ASIC5: variants seen among roughly 807,000 people sequenced by gnomAD.
The protein encoded by ASIC5 is bile acid-sensitive ion channel.
Under a neutral mutation model 51.2 loss-of-function variants are expected in ASIC5, and 52 were observed. The ratio of observed to expected loss-of-function variants is 1.02; its 90% CI spans 0.81 to 1.28. The LOEUF (loss-of-function observed/expected upper bound fraction) is 1.28. Among genes scored for constraint, ASIC5 ranks in the 50% most tolerant of loss-of-function variants. The pLI is 0.00. For missense variants in ASIC5, 635 were observed against 595.0 expected (o/e 1.07, Z -0.70); for synonymous variants, 231 against 200.7 (o/e 1.15, Z -1.28).
intron 1 of ASIC5, among the ~76,000 whole-genome samples, chr4:155,864,197 A>G (rs1383059274): frequency 6.6e-6 from 1 of 152,132 alleles, no homozygotes; most frequent in Non-Finnish European, 1.5e-5. Context: ...TTCTTAACTA[A>G]TGTTTGTCCT....
intron 6 of ASIC5, among the ~76,000 whole-genome samples, chr4:155,841,665 A>G (rs1448498667): frequency 6.6e-6 from 1 of 152,190 alleles, no homozygotes; most frequent in African/African-American, 2.4e-5. Context: ...GCTTGGTAAG[A>G]CATATCCATG....
At chr4:155,835,828 A>T (rs1237226849) in intron 8 of ASIC5, among the ~76,000 whole-genome samples, 3 of 151,762 alleles carry the variant, frequency 2.0e-5, no homozygotes, top group Non-Finnish European at 4.4e-5. Flanking sequence ...TTACATGGGA[A>T]TTTTTTTTTA....
At position 155,852,454 on chromosome 4, in the gene ASIC5, A is replaced by T. The variant is rs1052933336; in HGVS notation, c.586-138T>A. The T allele has an allele frequency of 6.3e-6, 4 of 635,728 alleles. No homozygotes were observed. The African/African-American group carries it at 8.6e-5, about 14-fold the overall frequency. The allele number at this position is 635,728 out of a possible 1,614,324, so 39.4% of individuals were successfully genotyped here. The stretch of plus-strand genomic sequence containing the variant: ...TATCAGAGAGAATAGTCTGATTTAT[A>T]TGTGTATTCAGTGATAGTTTTTTTT... On this transcript the variant is annotated intron_variant, in intron 3 of 9. Coordinates refer to ENST00000537611, the MANE Select transcript of ASIC5 (RefSeq NM_017419.3).
chr4:155,846,474 A>G (rs776919366), intron 4 of ASIC5, among the ~76,000 whole-genome samples: 1 of 152,152 alleles, frequency 6.6e-6, no homozygotes, highest in African/African-American at 2.4e-5. Flanking sequence ...CCTAGTCCAC[A>G]GGCAGTAAGG....
chr4:155,854,345 A>T (rs1452070231), intron 2 of ASIC5, 31 bp from the exon 3 acceptor site: 1 of 1,398,032 alleles, frequency 7.2e-7, no homozygotes, highest in Admixed American at 1.8e-5. Flanking sequence ...AATAGTTAGA[A>T]TAATGAAAAC....
intron 2 of ASIC5, among the ~76,000 whole-genome samples, chr4:155,860,810 T>C (rs1741683731): frequency 6.6e-6 from 1 of 151,924 alleles, no homozygotes; most frequent in Non-Finnish European, 1.5e-5. Flanking sequence ...TAGGTTTCCA[T>C]ACCCAAAATT....
At position 155,842,320 on chromosome 4, in the gene ASIC5, T is replaced by C. The variant is rs1427505776; in HGVS notation, c.896A>G (p.Asn299Ser). 4.3e-6 allele frequency: 7 copies of C among 1,613,334 alleles called. No homozygotes were observed. The highest frequency in any genetic ancestry group is 1.6e-4 in the Middle Eastern group (1 of 6,076). ...VHQEYPWGEC[N>S]PNIKLQNFSS... is the part of the protein sequence containing the mutation. Reference sequence around the variant, plus strand: ...AAAATTCTGCAGCTTGATGTTAGGATTGCATTCTCCCCAAGGGTATTCTTG... The same window carrying C: ...AAAATTCTGCAGCTTGATGTTAGGACTGCATTCTCCCCAAGGGTATTCTTG... The change falls in exon 6 of 10, where the codon AAT becomes AGT. Residue 299 changes from asparagine to serine, a missense_variant. Physicochemically the swap from Asn to Ser is conservative, Grantham distance 46 (BLOSUM62 1). Coordinates refer to ENST00000537611, the MANE Select transcript of ASIC5 (RefSeq NM_017419.3).
chr4:155,847,915 G>A (rs1399135755), intron 4 of ASIC5, among the ~76,000 whole-genome samples: 3 of 152,022 alleles, frequency 2.0e-5, no homozygotes, highest in African/African-American at 7.2e-5. Context: ...GCACAATGAT[G>A]CAAGACCAGC....
intron 4 of ASIC5, among the ~76,000 whole-genome samples, chr4:155,845,038 A>G (rs1741209050): frequency 6.6e-6 from 1 of 151,974 alleles, no homozygotes; most frequent in Admixed American, 6.6e-5. Context: ...TCCAAAGGGG[A>G]ACTCTAAACT....
intron 7 of ASIC5, among the ~76,000 whole-genome samples, chr4:155,838,342 T>C (rs1741038291): frequency 6.6e-6 from 1 of 152,120 alleles, no homozygotes; most frequent in Non-Finnish European, 1.5e-5. Context: ...TAAGAACTTG[T>C]CCCCAATAAA....
intron 9 of ASIC5, among the ~76,000 whole-genome samples, chr4:155,830,710 T>A (rs1441930258): frequency 1.3e-5 from 2 of 152,196 alleles, no homozygotes; most frequent in Non-Finnish European, 2.9e-5. Flanking sequence ...GATGTTTTCA[T>A]CTTCCCTAAC....
At position 155,838,861 on chromosome 4, in the gene ASIC5, T is replaced by A. The variant is rs758840888; in HGVS notation, c.1018A>T (p.Ile340Leu). Residue 340 changes from isoleucine to leucine, a missense_variant, in exon 7 of 10, where the codon ATA becomes TTA. Coordinates refer to ENST00000537611, the MANE Select transcript of ASIC5 (RefSeq NM_017419.3). ...CVPFLLPGYG[I>L]ECDLQKYFSC... ...AAGTACTTTTGTAGGTCACATTCTA[T>A]CCCATATCCTTAAAAATAATAAGTG... 1 of 1,563,580 alleles carries A rather than the reference T, an allele frequency of 6.4e-7. No homozygotes were observed. Among genetic ancestry groups the A allele is most frequent in the South Asian group, 1.1e-5 (1 of 88,862 alleles).
chr4:155,844,072 A>G (rs1390513610), intron 4 of ASIC5, among the ~76,000 whole-genome samples: 2 of 152,086 alleles, frequency 1.3e-5, no homozygotes, highest in Non-Finnish European at 2.9e-5. Context: ...CAGTCCTGAA[A>G]TAATTGAGGC....
chr4:155,835,828 AT>A (rs553945677), intron 8 of ASIC5, among the ~76,000 whole-genome samples: 20 of 151,874 alleles, frequency 1.3e-4, no homozygotes, highest in South Asian at 2.1e-4. Flanking sequence ...TTACATGGGA[AT>A]TTTTTTTTAT....
In ASIC5 at chr4:155,829,835, C is replaced by A; in HGVS notation, c.*21G>T. On this transcript the variant is annotated 3_prime_UTR_variant, in exon 10 of 10. Coordinates refer to ENST00000537611, the MANE Select transcript of ASIC5 (RefSeq NM_017419.3). ...ATCTGAAGGTATCATGAAAAGGAAACTATTTTATTCTAAGTGACCATTAAC... is the reference window on the plus strand; with the variant it reads ...ATCTGAAGGTATCATGAAAAGGAAAATATTTTATTCTAAGTGACCATTAAC... 1 of 1,427,226 alleles carries A rather than the reference C, an allele frequency of 7.0e-7. No individual in the cohort carries two copies. Among genetic ancestry groups the A allele is most frequent in the Non-Finnish European group, 9.3e-7 (1 of 1,072,256 alleles). 88.4% of individuals were successfully genotyped at this position (1,427,226 alleles called of 1,614,324 possible). A position where few individuals can be genotyped will look rare whatever the true frequency, so the allele number is the denominator to read the frequency against.
intron 5 of ASIC5, 45 bp from the exon 6 acceptor site, chr4:155,842,399 A>G: frequency 6.7e-7 from 1 of 1,485,864 alleles, no homozygotes; most frequent in African/African-American, 1.4e-5. Flanking sequence ...TGTTTACATC[A>G]ATTCACTTAT....
Position 155,836,858 on chromosome 4 carries a change from C to G in ASIC5, c.1067-1G>C. ...CATAAATCCTTAAATTCAATGTGGT[C>G]TGAAATGAAAATCAGGACAGGGAAT... On this transcript the variant is annotated splice_acceptor_variant, in intron 7 of 9. Transcript: ENST00000537611. LOFTEE classifies it high-confidence loss of function. 6.3e-7 allele frequency: 1 copy of G among 1,579,088 alleles called. No homozygotes were observed. Among genetic ancestry groups the G allele is most frequent in the Non-Finnish European group, 8.6e-7 (1 of 1,160,000 alleles).
chr4:155,862,884 A>G (rs1285037532), intron 2 of ASIC5, among the ~76,000 whole-genome samples: 2 of 152,114 alleles, frequency 1.3e-5, no homozygotes, highest in Non-Finnish European at 2.9e-5. Flanking sequence ...ATCTTTTAAT[A>G]CCCAGATTTC....
chr4:155,829,961 G>A lies in ASIC5; in HGVS notation c.1413C>T (p.Phe471=), dbSNP rs1232304897. The A allele has an allele frequency of 6.2e-7, 1 of 1,603,578 alleles. No homozygotes were observed. Among genetic ancestry groups the A allele is most frequent in the Admixed American group, 1.7e-5 (1 of 58,764 alleles). Residue 471 remains phenylalanine (F), a synonymous_variant, in exon 10 of 10, where the codon TTC becomes TTT. Transcript: ENST00000537611. The part of the protein sequence containing the change: ...IEIIEYLFTN[F]YWICIFFLLK... The stretch of plus-strand genomic sequence containing the variant: ...GCAAAAAGAAAATGCATATCCAGTA[G>A]AAATTGGTGAATAGATATTCAATAA...
Sources: allele counts gnomAD v4.1 joint callset (sites outside exome capture counted in the v4.1 genomes callset), GRCh38; gene constraint gnomAD v4.1.1; transcripts MANE v1.5; gene names NCBI Gene and HGNC (gene_info 2026-07-23, HGNC 2026-07-21).